Variants in PRKN observed in about 807,000 individuals in gnomAD.
The protein encoded by PRKN is E3 ubiquitin-protein ligase parkin.
In PRKN, 56 loss-of-function variants were observed where a neutral mutation model predicts 59.5. The ratio of observed to expected loss-of-function variants is 0.94; its 90% CI spans 0.76 to 1.18. The LOEUF (loss-of-function observed/expected upper bound fraction) is 1.18, where lower values mean the gene tolerates loss of function less well. Ranked by LOEUF, PRKN falls within the 50% of genes most tolerant of loss-of-function variation. The pLI is 0.00. For missense variants in PRKN, 657 were observed against 596.4 expected (o/e 1.10, Z -1.06); for synonymous variants, 250 against 222.1 (o/e 1.13, Z -1.12).
At chr6:161,726,742 G>A (rs1358226825) in intron 7 of PRKN, among the ~76,000 whole-genome samples, 1 of 152,172 alleles carries the variant, frequency 6.6e-6, no homozygotes, top group Admixed American at 6.5e-5. Context: ...AAGAAAAAAA[G>A]AGATAGATGC....
intron 6 of PRKN, among the ~76,000 whole-genome samples, chr6:161,961,190 C>T (rs1237849452): frequency 1.3e-5 from 2 of 152,124 alleles, no homozygotes; most frequent in African/African-American, 4.8e-5. Context: ...TGGAACACCA[C>T]AAAGTCACTT....
chr6:161,763,771 C>T (rs926970779), intron 7 of PRKN, among the ~76,000 whole-genome samples: 1 of 152,014 alleles, frequency 6.6e-6, no homozygotes, highest in Non-Finnish European at 1.5e-5. Context: ...ATACCACTCA[C>T]GAGCATTTGT....
intron 10 of PRKN, among the ~76,000 whole-genome samples, chr6:161,384,018 C>G (rs1786119140): frequency 1.3e-5 from 2 of 152,188 alleles, no homozygotes; most frequent in Admixed American, 1.3e-4. Context: ...AGAGCCTCAT[C>G]TCCTGGGGGG....
intron 9 of PRKN, among the ~76,000 whole-genome samples, chr6:161,412,590 C>T (rs1186526244): frequency 1.3e-5 from 2 of 148,916 alleles, no homozygotes; most frequent in East Asian, 4.1e-4. Context: ...CCTCCGCTCA[C>T]TCAGTCCTTT....
At chr6:162,110,409 G>C (rs917142793) in intron 4 of PRKN, among the ~76,000 whole-genome samples, 5 of 152,146 alleles carry the variant, frequency 3.3e-5, no homozygotes, top group African/African-American at 1.2e-4. Context: ...CAAAAAGCAA[G>C]GACTCAAAGA....
intron 6 of PRKN, among the ~76,000 whole-genome samples, chr6:161,788,069 C>T (rs965159785): frequency 1.3e-5 from 2 of 152,246 alleles, no homozygotes; most frequent in Non-Finnish European, 2.9e-5. Flanking sequence ...GCGTGGTATG[C>T]GGCCATCAGT....
intron 1 of PRKN, among the ~76,000 whole-genome samples, chr6:162,666,491 G>C (rs892481634): frequency 1.3e-5 from 2 of 152,108 alleles, no homozygotes; most frequent in African/African-American, 4.8e-5. Flanking sequence ...AGAGCGCTAA[G>C]ATATTAGTCC....
At position 161,552,608 on chromosome 6, in the gene PRKN, A is replaced by G. The variant is rs115580369; in HGVS notation, c.934-3605T>C. On this transcript the variant is annotated intron_variant, in intron 8 of 11. Coordinates refer to ENST00000366898, the MANE Select transcript of PRKN (RefSeq NM_004562.3). This position sits in a 1 kb window ranked among gnomAD's most constrained non-coding sequence, Gnocchi z 4.9. ...ACAAAAACAAAAAACAAAAAACAAA[A>G]AACTTTTTATTGTAAATATCACATA... 4.5e-3 allele frequency among the ~76,000 whole-genome samples: 675 copies of G among 151,670 alleles called. 4 individuals carry two copies. The highest frequency in any genetic ancestry group is 0.016 in the African/African-American group (645 of 41,462).
chr6:161,966,949 A>G (rs1780604121), intron 6 of PRKN, among the ~76,000 whole-genome samples: 2 of 152,178 alleles, frequency 1.3e-5, no homozygotes, highest in Admixed American at 6.5e-5. Flanking sequence ...CTCCTGCCTC[A>G]GCCTCCCAAG....
At chr6:162,482,820 A>T (rs1583650189) in intron 1 of PRKN, among the ~76,000 whole-genome samples, 1 of 152,280 alleles carries the variant, frequency 6.6e-6, no homozygotes, top group African/African-American at 2.4e-5. Flanking sequence ...ATCCTTAGAG[A>T]TCATCTTGTC....
intron 9 of PRKN, among the ~76,000 whole-genome samples, chr6:161,472,413 G>A (rs1447970755): frequency 1.3e-5 from 2 of 152,038 alleles, no homozygotes; most frequent in Admixed American, 6.5e-5. Context: ...TATCTGGATA[G>A]GATAATATCT....
intron 7 of PRKN, among the ~76,000 whole-genome samples, chr6:161,725,708 TC>T (rs1262342972): frequency 6.6e-6 from 1 of 152,126 alleles, no homozygotes; most frequent in Non-Finnish European, 1.5e-5. Flanking sequence ...CTCAGGAAGA[TC>T]AATTAACTTT....
intron 1 of PRKN, among the ~76,000 whole-genome samples, chr6:162,548,974 CCCATCATATCGTT>C (rs1392740716): frequency 4.0e-5 from 5 of 125,952 alleles, no homozygotes; most frequent in East Asian, 4.1e-4. Context: ...AAAGGGATTT[CCCATCATATCGTT>C]CCATCTGAGG....
intron 7 of PRKN, among the ~76,000 whole-genome samples, chr6:161,638,790 G>A (rs549212896): frequency 5.9e-5 from 8 of 135,790 alleles, no homozygotes; most frequent in African/African-American, 2.3e-4. Context: ...CAGCCAGGCT[G>A]GAGTGCAGTG....
chr6:162,148,339 C>T (rs1187428057), intron 4 of PRKN, among the ~76,000 whole-genome samples: 1 of 150,978 alleles, frequency 6.6e-6, no homozygotes, highest in African/African-American at 2.4e-5. Context: ...CTGATGACTT[C>T]TGAATTCACC....
At position 161,451,200 on chromosome 6, in the gene PRKN, C is replaced by T. The variant is rs9458262; in HGVS notation, c.1084-64323G>A. Among the ~76,000 whole-genome samples the T allele has an allele frequency of 0.011, 1,663 of 152,256 alleles. 38 individuals are homozygous for T. Among genetic ancestry groups the T allele is most frequent in the African/African-American group, 0.037 (1,557 of 41,540 alleles). ...ATCTTGAACACCTCCCAAGGCCAAT[C>T]TCCCATTGCAACAAATGAACTATTA... On this transcript the variant is annotated intron_variant, in intron 9 of 11. Coordinates refer to ENST00000366898, the MANE Select transcript of PRKN (RefSeq NM_004562.3). The surrounding 1 kb of genome is among the most constrained non-coding windows in gnomAD (Gnocchi z 5.9).
intron 6 of PRKN, among the ~76,000 whole-genome samples, chr6:161,810,532 T>C (rs1791516346): frequency 6.6e-6 from 1 of 152,232 alleles, no homozygotes; most frequent in African/African-American, 2.4e-5. Flanking sequence ...CATCATTTTA[T>C]ACCCATATAC....
At chr6:162,483,917 T>C (rs1261688213) in intron 1 of PRKN, among the ~76,000 whole-genome samples, 1 of 152,216 alleles carries the variant, frequency 6.6e-6, no homozygotes, top group Non-Finnish European at 1.5e-5. Context: ...ATACCTTGTG[T>C]TCCATTCATT....
intron 1 of PRKN, among the ~76,000 whole-genome samples, chr6:162,678,147 T>C (rs540077216): frequency 6.6e-6 from 1 of 152,360 alleles, no homozygotes; most frequent in South Asian, 2.1e-4. Flanking sequence ...TTCCCTTTTA[T>C]TGTTAAATAG....
Sources: allele counts gnomAD v4.1 joint callset (sites outside exome capture counted in the v4.1 genomes callset), GRCh38; gene constraint gnomAD v4.1.1; non-coding constraint Gnocchi (gnomAD v3.1); transcripts MANE v1.5; gene names NCBI Gene and HGNC (gene_info 2026-07-23, HGNC 2026-07-21).